Variants in CSMD1 observed in about 807,000 individuals in gnomAD.
CSMD1 encodes the protein CUB and sushi domain-containing protein 1.
Under a neutral mutation model 417.5 loss-of-function variants are expected in CSMD1, and 213 were observed. The ratio of observed to expected loss-of-function variants is 0.51; its 90% CI spans 0.46 to 0.57. The LOEUF (loss-of-function observed/expected upper bound fraction) is 0.57. CSMD1 is among the 20% of genes least tolerant of loss of function. The probability of loss-of-function intolerance (pLI) is 0.00; values close to 1 mark genes in which losing one functional copy is unlikely to be tolerated. For synonymous variants in CSMD1, 2,862 were observed against 1,736.8 expected (o/e 1.65, Z -16.11); for missense variants, 6,923 against 4,529.7 (o/e 1.53, Z -15.17).
chr8:4,431,720 T>C lies in CSMD1; in HGVS notation c.303-11655A>G, dbSNP rs142941468. Among the ~76,000 whole-genome samples, 135 of 152,262 alleles carry C rather than the reference T, an allele frequency of 8.9e-4. 1 individual carries two copies. The highest frequency in any genetic ancestry group is 3.2e-3 in the African/African-American group (132 of 41,556). ...AATCCTGACAGCAGAATTAAGACAA[T>C]GGAATCAATTGTTGTTCTAACAATT... On this transcript the variant is annotated intron_variant, in intron 2 of 69. Transcript: ENST00000635120.
At chr8:4,951,307 A>G (rs1808730282) in intron 1 of CSMD1, among the ~76,000 whole-genome samples, 1 of 152,122 alleles carries the variant, frequency 6.6e-6, no homozygotes, top group Admixed American at 6.6e-5. Flanking sequence ...CAGTCTTTGA[A>G]CTGCGGACTT....
At chr8:4,000,866 A>C (rs963512581) in intron 4 of CSMD1, among the ~76,000 whole-genome samples, 5 of 152,138 alleles carry the variant, frequency 3.3e-5, no homozygotes, top group Non-Finnish European at 5.9e-5. Flanking sequence ...ATTACCTAAG[A>C]AGATAAAATA....
At chr8:4,420,150 T>C (rs1337028972) in intron 2 of CSMD1, 85 bp from the exon 3 acceptor site, 1 of 851,466 alleles carries the variant, frequency 1.2e-6, no homozygotes, top group Non-Finnish European at 1.9e-6. Context: ...CTGAATAACT[T>C]GAACAGTGGT....
chr8:3,690,852 C>G (rs922729348), intron 7 of CSMD1, among the ~76,000 whole-genome samples: 1 of 151,858 alleles, frequency 6.6e-6, no homozygotes, highest in Non-Finnish European at 1.5e-5. Flanking sequence ...AATAGGTGGT[C>G]TAATTACCCA....
At chr8:3,200,386 C>T (rs1173549509) in intron 32 of CSMD1, among the ~76,000 whole-genome samples, 1 of 151,672 alleles carries the variant, frequency 6.6e-6, no homozygotes, top group African/African-American at 2.4e-5. Flanking sequence ...GAAACCACGT[C>T]TCTACTAAAA....
At chr8:3,211,176 C>G (rs1338058075) in intron 30 of CSMD1, among the ~76,000 whole-genome samples, 2 of 152,148 alleles carry the variant, frequency 1.3e-5, no homozygotes, top group African/African-American at 4.8e-5. Flanking sequence ...TCCCGAGTAG[C>G]TGGGACCCCA....
chr8:4,572,486 A>C (rs1798937242), intron 2 of CSMD1, among the ~76,000 whole-genome samples: 1 of 152,154 alleles, frequency 6.6e-6, no homozygotes, highest in South Asian at 2.1e-4. Context: ...AGAGAGATCC[A>C]CTGTTAGTCT....
intron 1 of CSMD1, among the ~76,000 whole-genome samples, chr8:4,850,527 C>T (rs1253947516): frequency 9.2e-5 from 14 of 151,974 alleles, no homozygotes; most frequent in Non-Finnish European, 1.6e-4. Context: ...TTCCATTTCC[C>T]TCCTTTGCAC....
At chr8:3,307,846 A>G (rs1805001238) in intron 24 of CSMD1, 25 bp from the exon 25 acceptor site, 2 of 1,605,606 alleles carry the variant, frequency 1.2e-6, no homozygotes, top group South Asian at 1.1e-5. Flanking sequence ...GAGAGATGGG[A>G]ACGTTCAGCT....
At chr8:3,321,164 T>C (rs1806130055) in intron 23 of CSMD1, among the ~76,000 whole-genome samples, 2 of 152,058 alleles carry the variant, frequency 1.3e-5, no homozygotes, top group South Asian at 4.2e-4. Flanking sequence ...GTCGAATCCT[T>C]TGCTTTCTAA....
intron 11 of CSMD1, among the ~76,000 whole-genome samples, chr8:3,492,349 C>G (rs1044833549): frequency 2.0e-5 from 3 of 152,116 alleles, no homozygotes; most frequent in Non-Finnish European, 4.4e-5. Context: ...TCACATAGGG[C>G]AGACCAGCTC....
intron 52 of CSMD1, among the ~76,000 whole-genome samples, 197 bp from the exon 53 acceptor site, chr8:3,000,328 AT>A (rs1164649198): frequency 6.6e-6 from 1 of 151,496 alleles, no homozygotes; most frequent in Non-Finnish European, 1.5e-5. Flanking sequence ...CCTGGAAAAA[AT>A]AAGTAATATT....
At chr8:4,015,763 T>C (rs923790958) in intron 4 of CSMD1, among the ~76,000 whole-genome samples, 1 of 150,750 alleles carries the variant, frequency 6.6e-6, no homozygotes, top group Non-Finnish European at 1.5e-5. Flanking sequence ...TTTAGGTGAA[T>C]ACTTATCTTA....
intron 39 of CSMD1, among the ~76,000 whole-genome samples, chr8:3,152,197 C>G (rs1365915584): frequency 6.6e-6 from 1 of 152,174 alleles, no homozygotes; most frequent in Non-Finnish European, 1.5e-5. Flanking sequence ...GTTCATGCAT[C>G]TTGCCTTATC....
intron 3 of CSMD1, among the ~76,000 whole-genome samples, chr8:4,395,727 C>G (rs7841746): frequency 1.3e-5 from 2 of 151,920 alleles, no homozygotes; most frequent in Middle Eastern, 3.2e-3. Context: ...AAATTAGCAG[C>G]TACAAATGTT....
At chr8:3,320,702 A>C (rs1584994855) in intron 23 of CSMD1, among the ~76,000 whole-genome samples, 1 of 152,132 alleles carries the variant, frequency 6.6e-6, no homozygotes, top group East Asian at 1.9e-4. Context: ...TCTTTGAAAG[A>C]ATTTCTGCTG....
At chr8:4,340,094 A>G (rs576565168) in intron 3 of CSMD1, among the ~76,000 whole-genome samples, 2 of 152,232 alleles carry the variant, frequency 1.3e-5, no homozygotes, top group East Asian at 3.9e-4. Flanking sequence ...TAGAGAAATT[A>G]GAGTTAACCT....
intron 3 of CSMD1, among the ~76,000 whole-genome samples, chr8:4,048,276 C>T (rs1188960064): frequency 6.6e-6 from 1 of 152,130 alleles, no homozygotes; most frequent in Non-Finnish European, 1.5e-5. Context: ...CATTTTTACA[C>T]TAATTATGAG....
intron 21 of CSMD1, among the ~76,000 whole-genome samples, chr8:3,351,249 G>A (rs1287763505): frequency 1.3e-5 from 2 of 152,184 alleles, no homozygotes; most frequent in East Asian, 1.9e-4. Context: ...CTAGGGTAGT[G>A]TGGCACAGGA....
Sources: gnomAD v4.1 joint callset for allele counts (sites outside exome capture counted in the v4.1 genomes callset) on GRCh38, gnomAD v4.1.1 for gene constraint, MANE v1.5 for transcripts, NCBI Gene and HGNC (gene_info 2026-07-23, HGNC 2026-07-21) for gene names.